WDPCP: variants seen among roughly 807,000 people sequenced by gnomAD.
WDPCP encodes WD repeat-containing and planar cell polarity effector protein fritz homolog.
WDPCP carries 71 observed loss-of-function variants against 93.1 expected under a neutral mutation model. That is an observed-to-expected ratio of 0.76 (90% CI 0.63 to 0.93). The LOEUF (loss-of-function observed/expected upper bound fraction) is 0.93. WDPCP is among the 40% of genes least tolerant of loss of function. The probability of loss-of-function intolerance (pLI) is 0.00; values close to 1 mark genes in which losing one functional copy is unlikely to be tolerated. For missense variants in WDPCP, 844 were observed against 887.4 expected (o/e 0.95, Z 0.62); for synonymous variants, 315 against 315.0 (o/e 1.00, Z 0.00).
At chr2:63,730,803 T>C (rs1187387232) in intron 2 of WDPCP, among the ~76,000 whole-genome samples, 1 of 152,028 alleles carries the variant, frequency 6.6e-6, no homozygotes, top group Admixed American at 6.6e-5. Context: ...GATTTACTAG[T>C]AGGAATTACA....
intron 14 of WDPCP, among the ~76,000 whole-genome samples, chr2:63,185,520 A>G (rs998077071): frequency 1.3e-5 from 2 of 151,966 alleles, no homozygotes; most frequent in Non-Finnish European, 2.9e-5. Flanking sequence ...GTTGTAAATT[A>G]CCATCATGTG....
rs746369214 is a variant in WDPCP at position 63,122,037 on chromosome 2, G to T, written c.2210C>A (p.Ser737Tyr). 1.6e-5 allele frequency: 25 copies of T among 1,612,842 alleles called. No individual in the cohort carries two copies. The highest frequency in any genetic ancestry group is 2.7e-5 in the African/African-American group (2 of 74,972). ...GREQEIRDGG[S>Y]LKMIHFGLV Reference sequence around the variant, plus strand: ...CAGACCAAAGTGAATCATTTTGAGAGAACCACCATCTCTGATTTCCTGCAA... The same window carrying T: ...CAGACCAAAGTGAATCATTTTGAGATAACCACCATCTCTGATTTCCTGCAA... Residue 737 changes from serine (S) to tyrosine (Y), a missense_variant, in exon 18 of 18, where the codon TCT becomes TAT. Physicochemically the swap from Ser to Tyr is moderately radical, Grantham distance 144. Transcript: ENST00000272321.
chr2:63,486,100 G>A (rs1700560030), intron 4 of WDPCP, among the ~76,000 whole-genome samples: 1 of 151,616 alleles, frequency 6.6e-6, no homozygotes, highest in African/African-American at 2.4e-5. Context: ...GTATTACATT[G>A]TCGCCATAAT....
intron 1 of WDPCP, among the ~76,000 whole-genome samples, chr2:63,568,042 A>G (rs931309869): frequency 1.3e-5 from 2 of 152,242 alleles, no homozygotes; most frequent in African/African-American, 4.8e-5. Context: ...GGGTAGATTA[A>G]GAATAATAAG....
chr2:63,390,176 C>A (rs1356891849), intron 10 of WDPCP, among the ~76,000 whole-genome samples: 1 of 152,072 alleles, frequency 6.6e-6, no homozygotes, highest in Non-Finnish European at 1.5e-5. Context: ...TGTAGAAGAA[C>A]AGAAATCACA....
At chr2:63,144,357 A>G (rs934842170) in intron 17 of WDPCP, among the ~76,000 whole-genome samples, 7 of 152,070 alleles carry the variant, frequency 4.6e-5, no homozygotes, top group African/African-American at 1.7e-4. Context: ...TCAATGGCTC[A>G]ATGCAACCTC....
At chr2:63,777,253 C>A (rs1009080163) in intron 2 of WDPCP, among the ~76,000 whole-genome samples, 1 of 151,966 alleles carries the variant, frequency 6.6e-6, no homozygotes, top group African/African-American at 2.4e-5. Context: ...TTTTAAAAAA[C>A]CATAATGCAA....
intron 17 of WDPCP, among the ~76,000 whole-genome samples, chr2:63,123,442 A>C (rs1300687978): frequency 6.6e-6 from 1 of 152,082 alleles, no homozygotes; most frequent in Non-Finnish European, 1.5e-5. Context: ...CCATGATTTA[A>C]TCCTCTCTTA....
intron 12 of WDPCP, among the ~76,000 whole-genome samples, chr2:63,335,039 G>C (rs1004332537): frequency 6.6e-6 from 1 of 152,102 alleles, no homozygotes; most frequent in African/African-American, 2.4e-5. Context: ...ATATCTGATT[G>C]CTTCCTCTGC....
At chr2:63,579,416 C>G (rs1224919485) in intron 1 of WDPCP, among the ~76,000 whole-genome samples, 1 of 152,128 alleles carries the variant, frequency 6.6e-6, no homozygotes, top group African/African-American at 2.4e-5. Flanking sequence ...TTGAGACCAG[C>G]CTGGCCAACA....
chr2:63,209,833 G>T (rs1676629124), intron 14 of WDPCP, among the ~76,000 whole-genome samples: 1 of 151,824 alleles, frequency 6.6e-6, no homozygotes, highest in Non-Finnish European at 1.5e-5. Flanking sequence ...AAAGAGAAGG[G>T]GTCAGTCAAC....
chr2:63,726,253 A>G (rs1426510153), intron 2 of WDPCP, among the ~76,000 whole-genome samples: 2 of 152,180 alleles, frequency 1.3e-5, no homozygotes, highest in Non-Finnish European at 2.9e-5. Flanking sequence ...TCCAGTTTCA[A>G]TCTTCCACGT....
At chr2:63,447,570 T>G (rs529551065) in intron 6 of WDPCP, among the ~76,000 whole-genome samples, 1 of 152,300 alleles carries the variant, frequency 6.6e-6, no homozygotes, top group African/African-American at 2.4e-5. Flanking sequence ...GTCCCTCGTC[T>G]CTGCTATTTA....
At chr2:63,269,314 C>T (rs1194934311) in intron 13 of WDPCP, among the ~76,000 whole-genome samples, 1 of 152,116 alleles carries the variant, frequency 6.6e-6, no homozygotes, top group African/African-American at 2.4e-5. Context: ...GCCAATTTGA[C>T]TTATATTAGC....
At chr2:63,458,769 C>T (rs1373934959) in intron 6 of WDPCP, among the ~76,000 whole-genome samples, 1 of 151,992 alleles carries the variant, frequency 6.6e-6, no homozygotes, top group Non-Finnish European at 1.5e-5. Flanking sequence ...CCCAAACAGC[C>T]AAAGCAATCC....
chr2:63,348,619 T>C (rs974328851), intron 12 of WDPCP, among the ~76,000 whole-genome samples: 5 of 152,146 alleles, frequency 3.3e-5, no homozygotes, highest in African/African-American at 1.2e-4. Flanking sequence ...TGTGCTTATA[T>C]GGGTATTGAT....
At chr2:63,150,418 G>T (rs1048725728) in intron 17 of WDPCP, among the ~76,000 whole-genome samples, 2 of 152,162 alleles carry the variant, frequency 1.3e-5, no homozygotes, top group African/African-American at 4.8e-5. Flanking sequence ...AGGGATTGCT[G>T]CTAAACATCC....
intron 2 of WDPCP, among the ~76,000 whole-genome samples, chr2:63,724,398 A>G (rs1317272072): frequency 1.3e-5 from 2 of 152,004 alleles, no homozygotes; most frequent in Non-Finnish European, 2.9e-5. Context: ...TGTTGATCAC[A>G]TTTTCTGAGG....
chr2:63,768,242 C>T (rs1294704531), intron 2 of WDPCP, among the ~76,000 whole-genome samples: 1 of 151,756 alleles, frequency 6.6e-6, no homozygotes, highest in Non-Finnish European at 1.5e-5. Context: ...CATGTGTAGG[C>T]CTATTTCTGA....
Sources: gnomAD v4.1 joint callset for allele counts (sites outside exome capture counted in the v4.1 genomes callset) on GRCh38, gnomAD v4.1.1 for gene constraint, MANE v1.5 for transcripts, NCBI Gene and HGNC (gene_info 2026-07-23, HGNC 2026-07-21) for gene names.